The following ZNF432 variants were observed in gnomAD, a reference collection of about 807,000 sequenced individuals.
The protein encoded by ZNF432 is zinc finger protein 432.
ZNF432 carries 10 observed loss-of-function variants against 13.9 expected under a neutral mutation model. The observed-to-expected ratio is 0.72, with a 90% CI of 0.44 to 1.22. The LOEUF is 1.22. Among genes scored for constraint, ZNF432 ranks in the 50% most tolerant of loss-of-function variants. The probability of loss-of-function intolerance (pLI) is 0.00; values close to 1 mark genes in which losing one functional copy is unlikely to be tolerated. For synonymous variants in ZNF432, 247 were observed against 256.2 expected (o/e 0.96, Z 0.34); for missense variants, 793 against 796.2 (o/e 1.00, Z 0.05).
intron 2 of ZNF432, among the ~76,000 whole-genome samples, chr19:52,046,531 A>AAAT (rs141544928): frequency 0.019 from 2,935 of 152,284 alleles, 89 homozygotes; most frequent in African/African-American, 0.067. Context: ...AAGTGCCATG[A>AAAT]AATAATAATC....
chr19:52,041,728 T>C (rs753376325), intron 2 of ZNF432, 122 bp from the exon 3 acceptor site: 28 of 1,153,838 alleles, frequency 2.4e-5, no homozygotes, highest in Non-Finnish European at 3.3e-5. Context: ...TATAAGTCTA[T>C]TGTATTTTTT....
intron 3 of ZNF432, 91 bp downstream of exon 3, chr19:52,041,389 A>C: frequency 4.1e-6 from 6 of 1,455,440 alleles, no homozygotes; most frequent in Non-Finnish European, 5.5e-6. Context: ...TAATATTCAG[A>C]GCACTGCAGT....
At chr19:52,045,587 C>T (rs1052360239) in intron 2 of ZNF432, among the ~76,000 whole-genome samples, 11 of 151,294 alleles carry the variant, frequency 7.3e-5, no homozygotes, top group Non-Finnish European at 1.2e-4. Flanking sequence ...AACTCCCGAC[C>T]TCAGGTGACC....
intron 4 of ZNF432, among the ~76,000 whole-genome samples, chr19:52,036,678 CTT>C (rs915667620): frequency 2.0e-5 from 3 of 146,946 alleles, no homozygotes; most frequent in Non-Finnish European, 4.5e-5. Context: ...GACTGAATGA[CTT>C]TTTTTTTTTT....
At chr19:52,046,319 G>A (rs374923083) in intron 2 of ZNF432, among the ~76,000 whole-genome samples, 4 of 152,118 alleles carry the variant, frequency 2.6e-5, no homozygotes, top group East Asian at 3.8e-4. Context: ...ACACAGACAC[G>A]CAAGACTTGA....
At chr19:52,043,019 T>C (rs996184894) in intron 2 of ZNF432, among the ~76,000 whole-genome samples, 8 of 152,190 alleles carry the variant, frequency 5.3e-5, no homozygotes, top group Non-Finnish European at 1.0e-4. Flanking sequence ...TGAATGCCAC[T>C]GGAAAATAAA....
rs775692406 is a variant in ZNF432, at chr19:52,040,472, G to A, written c.238+16C>T. 1 of 1,607,888 alleles carries A rather than the reference G, an allele frequency of 6.2e-7. No individual in the cohort carries two copies. The highest frequency in any genetic ancestry group is 1.1e-5 in the South Asian group (1 of 90,968). ...GACTATAATATTACTTACGCATCTT[G>A]CTGCTTCTCACATACCTGGACAGAT... On this transcript the variant is annotated intron_variant, in intron 4 of 4. Transcript: ENST00000221315.
At chr19:52,035,507 A>G in intron 4 of ZNF432, 67 bp from the exon 5 acceptor site, 2 of 1,276,740 alleles carry the variant, frequency 1.6e-6, no homozygotes, top group Non-Finnish European at 2.1e-6. Context: ...TTCTTAGAAA[A>G]AAAAATCCTT....
intron 4 of ZNF432, 115 bp downstream of exon 4, chr19:52,040,373 A>C (rs989303555): frequency 2.3e-6 from 2 of 885,388 alleles, no homozygotes; most frequent in African/African-American, 3.3e-5. Context: ...TTTCTTGTGG[A>C]GGGAAAACGA....
At position 52,047,080 on chromosome 19, in the gene ZNF432, T is replaced by C. The variant is rs1185591809; in HGVS notation, c.-192-20A>G. On this transcript the variant is annotated intron_variant, in intron 1 of 4. Coordinates refer to ENST00000221315, the MANE Select transcript of ZNF432 (RefSeq NM_014650.4). ...TGTGGACTGAAGAGCAAAACAACTT[T>C]CAGGGGTACATTCACCTTAACACGT... 4 of 480,732 alleles carry C rather than the reference T, an allele frequency of 8.3e-6. No individual in the cohort carries two copies. The highest frequency in any genetic ancestry group is 7.8e-5 in the African/African-American group (4 of 51,104). 29.8% of individuals were successfully genotyped at this position (480,732 alleles called of 1,614,324 possible).
In ZNF432 at chr19:52,031,687, AGT is replaced by A. The variant is rs1454392025; in HGVS notation, c.*2031_*2032del. 2.0e-5 allele frequency: 3 copies of A among 152,192 alleles called. No homozygotes were observed. The highest frequency in any genetic ancestry group is 4.4e-5 in the Non-Finnish European group (3 of 68,050). The allele number at this position is 152,192 out of a possible 1,614,324, so 9.4% of individuals were successfully genotyped here. A position where few individuals can be genotyped will look rare whatever the true frequency, so the allele number is the denominator to read the frequency against. On this transcript the variant is annotated 3_prime_UTR_variant, in exon 5 of 5. Coordinates refer to ENST00000221315, the MANE Select transcript of ZNF432 (RefSeq NM_014650.4). ...CTACCATGGGTCATATTGGGAGGAC[AGT>A]GTGAGTATAAAGAGGTAGCAAGAGG...
At chr19:52,041,863 G>T (rs544340493) in intron 2 of ZNF432, among the ~76,000 whole-genome samples, 157 of 152,094 alleles carry the variant, frequency 1.0e-3, no homozygotes, top group African/African-American at 3.6e-3. Context: ...TTTAATTTTG[G>T]TATCTATTGA....
In ZNF432 at chr19:52,043,531, G is replaced by A. The variant is rs1264423861; in HGVS notation, c.16-1925C>T. On this transcript the variant is annotated intron_variant, in intron 2 of 4. Coordinates refer to ENST00000221315, the MANE Select transcript of ZNF432 (RefSeq NM_014650.4). ...CTCGTGGGAAGGGAAAGACCTGACCGTCCCCCAGCCCGACACCCGTAAAGG... is the reference window on the plus strand; with the variant it reads ...CTCGTGGGAAGGGAAAGACCTGACCATCCCCCAGCCCGACACCCGTAAAGG... Among the ~76,000 whole-genome samples, 8 of 151,972 alleles carry A rather than the reference G, an allele frequency of 5.3e-5. No individual in the cohort carries two copies. The East Asian group carries it at 7.7e-4, about 15-fold the overall frequency.
Position 52,032,751 on chromosome 19 carries a change from A to G in ZNF432, c.*969T>C, listed in dbSNP as rs999796995. 1.3e-5 allele frequency: 2 copies of G among 152,110 alleles called. No homozygotes were observed. The highest frequency in any genetic ancestry group is 2.4e-5 in the African/African-American group (1 of 41,424). The allele number at this position is 152,110 out of a possible 1,614,324, so 9.4% of individuals were successfully genotyped here. ...ATGCCCGGCATTATGTATCATTTTC[A>G]TGAGACTTTTTTACTTCATGAATTT... On this transcript the variant is annotated 3_prime_UTR_variant, in exon 5 of 5. Coordinates refer to ENST00000221315, the MANE Select transcript of ZNF432 (RefSeq NM_014650.4).
intron 2 of ZNF432, among the ~76,000 whole-genome samples, chr19:52,046,335 T>C (rs1452228502): frequency 6.6e-6 from 1 of 152,216 alleles, no homozygotes; most frequent in African/African-American, 2.4e-5. Flanking sequence ...CTTGAGTGTG[T>C]GGCCTTGCTT....
intron 3 of ZNF432, 104 bp downstream of exon 3, chr19:52,041,376 A>C (rs2087135054): frequency 1.4e-6 from 2 of 1,410,406 alleles, no homozygotes; most frequent in Non-Finnish European, 9.4e-7. Flanking sequence ...TGTGCCAAAA[A>C]TCTAATATTC....
chr19:52,037,026 T>C (rs928913779), intron 4 of ZNF432, among the ~76,000 whole-genome samples: 17 of 152,122 alleles, frequency 1.1e-4, no homozygotes, highest in African/African-American at 3.9e-4. Flanking sequence ...AGAACCAAGG[T>C]TGTAGACATT....
intron 4 of ZNF432, among the ~76,000 whole-genome samples, chr19:52,040,044 G>A (rs889248431): frequency 1.3e-5 from 2 of 151,936 alleles, no homozygotes; most frequent in African/African-American, 4.8e-5. Context: ...TATCTAAGCT[G>A]TTGAAAAAAC....
rs774256016 is a variant in ZNF432, at chr19:52,041,522, G to A, written c.100C>T (p.Arg34Trp). 43 of 1,611,110 alleles carry A rather than the reference G, an allele frequency of 2.7e-5. No homozygotes were observed. The East Asian group carries it at 2.7e-4, about 10-fold the overall frequency. The change falls in exon 3 of 5, where the codon CGG (arginine) becomes TGG (tryptophan). Residue 34 changes from arginine to tryptophan, a missense_variant. Physicochemically the swap from Arg to Trp is moderately radical, Grantham distance 101. Transcript: ENST00000221315. ...LLGPFQKDLY[R>W]DVMLEIYSNL... ...CTGTAGATCTCCAACATCACATCCC[G>A]GTACAAATCCTTCTGAAAAGGGCCC...
Sources: allele counts gnomAD v4.1 joint callset (sites outside exome capture counted in the v4.1 genomes callset), GRCh38; gene constraint gnomAD v4.1.1; transcripts MANE v1.5; gene names NCBI Gene and HGNC (gene_info 2026-07-23, HGNC 2026-07-21).